GPR19: variants seen among roughly 807,000 people sequenced by gnomAD.
The protein encoded by GPR19 is G protein-coupled receptor 19, also known as probable G protein-coupled receptor 19.
Under a neutral mutation model 28.5 loss-of-function variants are expected in GPR19, and 14 were observed. That is an observed-to-expected ratio of 0.49 (90% CI 0.32 to 0.77). The LOEUF (loss-of-function observed/expected upper bound fraction) is 0.77, where lower values mean the gene tolerates loss of function less well. GPR19 is among the 30% of genes least tolerant of loss of function. GPR19 has a pLI of 0.03. For synonymous variants in GPR19, 173 were observed against 184.1 expected (o/e 0.94, Z 0.49); for missense variants, 409 against 504.1 (o/e 0.81, Z 1.81).
At chr12:12,710,060 T>C in the GPR19 span, among the ~76,000 whole-genome samples, 12 of 152,200 alleles carry the variant, frequency 7.9e-5, no homozygotes, top group Non-Finnish European at 1.5e-4. Flanking sequence ...GAATTAAGAA[T>C]ACCACATGCA....
chr12:12,707,920 AT>A, the GPR19 span, among the ~76,000 whole-genome samples: 35 of 141,522 alleles, frequency 2.5e-4, no homozygotes, highest in Non-Finnish European at 4.4e-4. Flanking sequence ...TTGTCCACTT[AT>A]GTTTTAACCA....
chr12:12,685,708 T>C (rs1388066606), intron 2 of GPR19, among the ~76,000 whole-genome samples: 1 of 152,172 alleles, frequency 6.6e-6, no homozygotes. Flanking sequence ...CAATAGTTAC[T>C]CTCCCCATCC....
chr12:12,694,795 T>C (rs1946238785), intron 2 of GPR19, among the ~76,000 whole-genome samples: 3 of 152,206 alleles, frequency 2.0e-5, no homozygotes, highest in Admixed American at 1.3e-4. Context: ...GTCATGCCTC[T>C]CAGAGCTGGA....
At chr12:12,716,270 C>T in the GPR19 span, among the ~76,000 whole-genome samples, 1 of 152,158 alleles carries the variant, frequency 6.6e-6, no homozygotes, top group Non-Finnish European at 1.5e-5. Context: ...AGTTTGACCC[C>T]GAGGGGAGTA....
the GPR19 span, chr12:12,703,275 C>A: frequency 1.9e-6 from 1 of 533,674 alleles, no homozygotes; most frequent in Non-Finnish European, 2.4e-6. Context: ...CTAATTTCAA[C>A]TTGCCTCTAT....
chr12:12,677,553 A>G (rs967084583), intron 3 of GPR19, among the ~76,000 whole-genome samples: 3 of 152,124 alleles, frequency 2.0e-5, no homozygotes, highest in Non-Finnish European at 4.4e-5. Flanking sequence ...CTGGGATTAC[A>G]GGCATGAGCC....
intron 3 of GPR19, among the ~76,000 whole-genome samples, chr12:12,668,679 GA>G (rs10666505): frequency 4.2e-4 from 62 of 147,154 alleles, no homozygotes; most frequent in African/African-American, 1.0e-3. Context: ...TGATTTGGTT[GA>G]AAAAAAAAAA....
At chr12:12,671,503 T>G (rs1406167069) in intron 3 of GPR19, among the ~76,000 whole-genome samples, 1 of 152,194 alleles carries the variant, frequency 6.6e-6, no homozygotes, top group Non-Finnish European at 1.5e-5. Context: ...AATCCAGCTC[T>G]GTACCTTTCA....
chr12:12,716,985 G>A, the GPR19 span: 3 of 993,862 alleles, frequency 3.0e-6, no homozygotes, highest in Non-Finnish European at 3.6e-6. Context: ...CTCTGGTCCA[G>A]GTCCCGGCTT....
intron 2 of GPR19, 57 bp from the exon 3 acceptor site, chr12:12,684,564 C>T (rs1265925368): frequency 1.3e-5 from 2 of 152,224 alleles, no homozygotes; most frequent in Non-Finnish European, 2.9e-5. Context: ...ATCTTCCCGC[C>T]CCCAGCCCCA....
the GPR19 span, among the ~76,000 whole-genome samples, chr12:12,709,590 CCACCA>C: frequency 1.3e-5 from 2 of 152,094 alleles, no homozygotes; most frequent in Admixed American, 1.3e-4. Context: ...CAGGCACATG[CCACCA>C]CACCTGGTTA....
At chr12:12,700,093 A>G (rs1444325552), upstream of GPR19, among the ~76,000 whole-genome samples, 4 of 151,716 alleles carry the variant, frequency 2.6e-5, no homozygotes, top group East Asian at 7.8e-4. Flanking sequence ...GATTACAGGT[A>G]TGAGCCACTG....
intron 3 of GPR19, among the ~76,000 whole-genome samples, chr12:12,670,174 A>G (rs146774156): frequency 6.6e-6 from 1 of 152,362 alleles, no homozygotes; most frequent in African/African-American, 2.4e-5. Context: ...GTTGCTAGAT[A>G]AAATACAGGA....
chr12:12,699,339 C>G (rs781680059), upstream of GPR19, among the ~76,000 whole-genome samples: 6 of 151,976 alleles, frequency 3.9e-5, no homozygotes, highest in Non-Finnish European at 2.9e-5. Flanking sequence ...AAGACTCTGT[C>G]TCAAGAAAAA....
chr12:12,685,892 T>G (rs965012797), intron 2 of GPR19, among the ~76,000 whole-genome samples: 3 of 152,208 alleles, frequency 2.0e-5, no homozygotes, highest in Non-Finnish European at 4.4e-5. Flanking sequence ...CCTAACAGCC[T>G]TAATTGGGAG....
chr12:12,705,625 G>A, the GPR19 span, among the ~76,000 whole-genome samples: 4 of 151,748 alleles, frequency 2.6e-5, no homozygotes, highest in Non-Finnish European at 5.9e-5. Context: ...ACAGCTCACT[G>A]CAGCCTTGAA....
At chr12:12,711,015 A>G in the GPR19 span, among the ~76,000 whole-genome samples, 3 of 152,198 alleles carry the variant, frequency 2.0e-5, no homozygotes, top group Non-Finnish European at 1.5e-5. Flanking sequence ...AAAATGCTAT[A>G]AAAAGTGGGC....
intron 3 of GPR19, among the ~76,000 whole-genome samples, chr12:12,671,269 G>A (rs1167759090): frequency 2.0e-5 from 3 of 150,290 alleles, no homozygotes; most frequent in Non-Finnish European, 4.4e-5. Context: ...TTACACCACT[G>A]CACTCCAACC....
chr12:12,710,225 C>T, the GPR19 span, among the ~76,000 whole-genome samples: 28 of 152,078 alleles, frequency 1.8e-4, no homozygotes, highest in East Asian at 4.5e-3. Flanking sequence ...TGGTGGCGCG[C>T]ACCTCTAATC....
Sources: gnomAD v4.1 joint callset for allele counts (sites outside exome capture counted in the v4.1 genomes callset) on GRCh38, gnomAD v4.1.1 for gene constraint, MANE v1.5 for transcripts, NCBI Gene and HGNC (gene_info 2026-07-23, HGNC 2026-07-21) for gene names.